Variants in RIMS1 observed in about 807,000 individuals in gnomAD.
RIMS1 encodes the protein regulating synaptic membrane exocytosis protein 1.
RIMS1 carries 83 observed loss-of-function variants against 214.1 expected under a neutral mutation model. The observed-to-expected ratio is 0.39, with a 90% CI of 0.32 to 0.47. The LOEUF (loss-of-function observed/expected upper bound fraction) is 0.47, where lower values mean the gene tolerates loss of function less well. Ranked by LOEUF, RIMS1 falls within the 20% of genes least tolerant of loss-of-function variation. The probability of loss-of-function intolerance (pLI) is 0.99; values close to 1 mark genes in which losing one functional copy is unlikely to be tolerated. For synonymous variants in RIMS1, 793 were observed against 786.8 expected (o/e 1.01, Z -0.13); for missense variants, 2,050 against 2,161.8 (o/e 0.95, Z 1.03).
intron 28 of RIMS1, among the ~76,000 whole-genome samples, chr6:72,317,991 A>G (rs2154304882): frequency 6.6e-6 from 1 of 152,184 alleles, no homozygotes; most frequent in East Asian, 1.9e-4. Flanking sequence ...TTTATTCCTT[A>G]TAATATTATT....
At chr6:72,228,306 C>G (rs894966534) in intron 6 of RIMS1, among the ~76,000 whole-genome samples, 13 of 151,824 alleles carry the variant, frequency 8.6e-5, no homozygotes, top group African/African-American at 3.1e-4. Flanking sequence ...TATACCTCCC[C>G]GTTTCCCCTG....
intron 2 of RIMS1, among the ~76,000 whole-genome samples, chr6:72,090,567 A>T (rs1053365263): frequency 6.6e-6 from 1 of 152,142 alleles, no homozygotes; most frequent in Admixed American, 6.5e-5. Flanking sequence ...CCTCTATTAT[A>T]GAGTGGAATC....
chr6:72,018,717 G>A (rs1217493073), intron 2 of RIMS1, among the ~76,000 whole-genome samples: 1 of 152,164 alleles, frequency 6.6e-6, no homozygotes, highest in Non-Finnish European at 1.5e-5. Flanking sequence ...AGAGAGTGTA[G>A]TAACCTGGAA....
chr6:71,918,041 G>C (rs1379538669), intron 1 of RIMS1, among the ~76,000 whole-genome samples: 1 of 152,148 alleles, frequency 6.6e-6, no homozygotes, highest in African/African-American at 2.4e-5. Context: ...TAAGTACGTA[G>C]TCGAATATTC....
chr6:72,158,762 T>C (rs1367722583), intron 4 of RIMS1, among the ~76,000 whole-genome samples: 1 of 140,022 alleles, frequency 7.1e-6, no homozygotes, highest in African/African-American at 2.5e-5. Flanking sequence ...GGCTGCATAG[T>C]ATTCCATGGT....
chr6:72,400,422 C>T (rs1243477017), intron 33 of RIMS1, 74 bp from the exon 34 acceptor site: 4 of 1,268,278 alleles, frequency 3.2e-6, no homozygotes, highest in East Asian at 2.3e-5. Flanking sequence ...ACTTTTACAG[C>T]ATAGTTGCTT....
At chr6:72,356,589 T>G (rs1446597682) in intron 29 of RIMS1, among the ~76,000 whole-genome samples, 1 of 151,762 alleles carries the variant, frequency 6.6e-6, no homozygotes. Context: ...TGAAACCCCA[T>G]CTCTACTAAA....
chr6:72,168,494 A>G (rs1023512341), intron 4 of RIMS1, among the ~76,000 whole-genome samples: 1 of 152,146 alleles, frequency 6.6e-6, no homozygotes, highest in Admixed American at 6.6e-5. Context: ...TGGGCTGTCC[A>G]CATGTGCAGT....
intron 31 of RIMS1, among the ~76,000 whole-genome samples, chr6:72,393,357 C>G (rs1179487501): frequency 6.6e-6 from 1 of 152,104 alleles, no homozygotes; most frequent in Non-Finnish European, 1.5e-5. Flanking sequence ...AGTGGAATTT[C>G]ACAATACTGA....
intron 4 of RIMS1, among the ~76,000 whole-genome samples, chr6:72,173,745 G>A (rs1049776423): frequency 2.0e-5 from 3 of 151,800 alleles, no homozygotes; most frequent in African/African-American, 7.3e-5. Flanking sequence ...TAATAGTTTA[G>A]TGTTCCTTGA....
intron 29 of RIMS1, among the ~76,000 whole-genome samples, chr6:72,370,965 A>C (rs1167617725): frequency 6.6e-6 from 1 of 150,884 alleles, no homozygotes; most frequent in Non-Finnish European, 1.5e-5. Flanking sequence ...CTTCCCATGA[A>C]AGTTAAAGAC....
intron 29 of RIMS1, among the ~76,000 whole-genome samples, chr6:72,337,720 C>T (rs996075645): frequency 9.6e-5 from 14 of 146,078 alleles, no homozygotes; most frequent in African/African-American, 3.0e-4. Context: ...AGGTATATCT[C>T]CTAATGCTAT....
intron 27 of RIMS1, 59 bp downstream of exon 27, chr6:72,307,429 C>A: frequency 9.0e-7 from 1 of 1,113,232 alleles, no homozygotes; most frequent in Non-Finnish European, 1.3e-6. Flanking sequence ...GTGTGTGTAC[C>A]AGGCAGGATT....
chr6:72,218,912 C>T (rs1408400105), intron 6 of RIMS1, among the ~76,000 whole-genome samples: 1 of 152,130 alleles, frequency 6.6e-6, no homozygotes, highest in African/African-American at 2.4e-5. Context: ...AAGTCTCTTC[C>T]AACTTCCTGA....
intron 4 of RIMS1, among the ~76,000 whole-genome samples, chr6:72,130,591 T>G (rs2040282548): frequency 6.6e-6 from 1 of 152,134 alleles, no homozygotes; most frequent in African/African-American, 2.4e-5. Context: ...AGCAGCAAGA[T>G]GATAGTGTTA....
intron 2 of RIMS1, among the ~76,000 whole-genome samples, chr6:72,091,417 A>G (rs1836202230): frequency 6.6e-6 from 1 of 152,230 alleles, no homozygotes; most frequent in African/African-American, 2.4e-5. Context: ...ATTTCTCTAC[A>G]TTCCACTATT....
rs1345809748 is a variant in RIMS1 at position 72,220,833 on chromosome 6, G to A, written c.1679-12940G>A. On this transcript the variant is annotated intron_variant, in intron 6 of 33. Transcript: ENST00000521978. ...GACAATAGGCTTCTTTGACAAATAC[G>A]TTGTGATTTCTTGATTTCAGAGGCT... Among the ~76,000 whole-genome samples, 5 of 152,144 alleles carry A rather than the reference G, an allele frequency of 3.3e-5. No homozygotes were observed. In the East Asian group the frequency reaches 5.8e-4, roughly 18 times the overall value.
chr6:72,002,418 G>A (rs1805574587), intron 2 of RIMS1, among the ~76,000 whole-genome samples: 1 of 151,976 alleles, frequency 6.6e-6, no homozygotes, highest in South Asian at 2.1e-4. Flanking sequence ...TCTGGAAAAG[G>A]GGAAAAAAAA....
chr6:72,265,829 A>G, intron 21 of RIMS1, 131 bp from the exon 22 acceptor site: 1 of 659,180 alleles, frequency 1.5e-6, no homozygotes, highest in South Asian at 2.0e-5. Flanking sequence ...ACCCTTATGA[A>G]CTGAATCCCA....
Sources: allele counts gnomAD v4.1 joint callset (sites outside exome capture counted in the v4.1 genomes callset), GRCh38; gene constraint gnomAD v4.1.1; transcripts MANE v1.5; gene names NCBI Gene and HGNC (gene_info 2026-07-23, HGNC 2026-07-21).